RAP1B: variants seen among roughly 807,000 people sequenced by gnomAD.
RAP1B encodes RAP1B, member of RAS oncogene family.
A neutral mutation model predicts 27.5 loss-of-function variants in RAP1B; 1 was observed. The observed-to-expected ratio is 0.04, with a 90% confidence interval of 0.01 to 0.17. The LOEUF (loss-of-function observed/expected upper bound fraction) is 0.17, where lower values mean the gene tolerates loss of function less well. Among genes scored for constraint, RAP1B ranks in the 10% least tolerant of loss-of-function variants. The pLI, the probability that RAP1B is intolerant of heterozygous loss-of-function variation, is 1.00. For missense variants in RAP1B, 84 were observed against 214.8 expected (o/e 0.39, Z 3.81); for synonymous variants, 75 against 73.1 (o/e 1.03, Z -0.13).
chr12:68,669,187 T>A lies in RAP1B; in HGVS notation c.*9938T>A, dbSNP rs906466653. 1.3e-5 allele frequency: 2 copies of A among 152,142 alleles called. No individual in the cohort carries two copies. The highest frequency in any genetic ancestry group is 2.9e-5 in the Non-Finnish European group (2 of 68,018). 9.4% of individuals were successfully genotyped at this position (152,142 alleles called of 1,614,324 possible). On this transcript the variant is annotated 3_prime_UTR_variant, in exon 8 of 8. Transcript: ENST00000250559. Reference sequence around the variant, plus strand: ...AAGTTGATATAGTAAACACGACAGATAAAAACTAAATGCCTTAAGGTATAA... The same window carrying A: ...AAGTTGATATAGTAAACACGACAGAAAAAAACTAAATGCCTTAAGGTATAA...
chr12:68,656,669 G>GA (rs1330130788), intron 6 of RAP1B: 1 of 580,734 alleles, frequency 1.7e-6, no homozygotes, highest in Non-Finnish European at 3.0e-6. Flanking sequence ...CATGAAAAAG[G>GA]AAGACTGGAC....
At chr12:68,653,652 G>C (rs1311182176) in intron 4 of RAP1B, among the ~76,000 whole-genome samples, 1 of 151,906 alleles carries the variant, frequency 6.6e-6, no homozygotes, top group Admixed American at 6.6e-5. Context: ...TTTCCAGCTG[G>C]GCGTGGTAGT....
At chr12:68,621,192 T>G (rs1406158788) in intron 1 of RAP1B, among the ~76,000 whole-genome samples, 1 of 152,194 alleles carries the variant, frequency 6.6e-6, no homozygotes, top group Admixed American at 6.5e-5. Context: ...CCTGCCTGCA[T>G]GTGCTAATCC....
intron 1 of RAP1B, among the ~76,000 whole-genome samples, chr12:68,630,279 A>G (rs1304723800): frequency 6.6e-6 from 1 of 152,216 alleles, no homozygotes; most frequent in African/African-American, 2.4e-5. Flanking sequence ...CTTGTTAACC[A>G]TACAGTCTCT....
At chr12:68,642,071 A>G (rs1379431069) in intron 1 of RAP1B, among the ~76,000 whole-genome samples, 1 of 152,222 alleles carries the variant, frequency 6.6e-6, no homozygotes, top group Non-Finnish European at 1.5e-5. Context: ...CGCGTTGAGT[A>G]AAATGAAGAT....
In RAP1B at chr12:68,671,557, G is replaced by C. The variant is rs1280513936; in HGVS notation, c.*12308G>C. The C allele has an allele frequency of 6.6e-6, 1 of 152,184 alleles. No individual in the cohort carries two copies. Among genetic ancestry groups the C allele is most frequent in the Non-Finnish European group, 1.5e-5 (1 of 68,034 alleles). The allele number at this position is 152,184 out of a possible 1,614,324, so 9.4% of individuals were successfully genotyped here. On this transcript the variant is annotated 3_prime_UTR_variant, in exon 8 of 8. Transcript: ENST00000250559. ...GTGAACAAAACAGAATACCGAGAAG[G>C]ATGTATGTGAGGGATGCATGTGGGC...
intron 1 of RAP1B, chr12:68,642,466 G>A: frequency 1.2e-6 from 1 of 823,826 alleles, no homozygotes; most frequent in Non-Finnish European, 2.0e-6. Context: ...TATTTTTAAT[G>A]TCCAGAATGT....
At chr12:68,652,893 C>A (rs976423237) in intron 4 of RAP1B, among the ~76,000 whole-genome samples, 1 of 152,130 alleles carries the variant, frequency 6.6e-6, no homozygotes, top group South Asian at 2.1e-4. Flanking sequence ...GGCATACATT[C>A]ATTCATCAGC....
At chr12:68,656,242 T>C in intron 5 of RAP1B, 64 bp from the exon 6 acceptor site, 2 of 1,407,810 alleles carry the variant, frequency 1.4e-6, no homozygotes, top group Non-Finnish European at 2.0e-6. Context: ...CTTAGAATTC[T>C]TTTGATTTGA....
At chr12:68,623,018 A>G (rs1407327054) in intron 1 of RAP1B, among the ~76,000 whole-genome samples, 1 of 152,150 alleles carries the variant, frequency 6.6e-6, no homozygotes, top group Non-Finnish European at 1.5e-5. Context: ...TAATTTTTAA[A>G]GTTTTATATC....
intron 1 of RAP1B, 147 bp from the exon 2 acceptor site, chr12:68,648,552 A>T: frequency 1.6e-6 from 1 of 620,246 alleles, no homozygotes; most frequent in Non-Finnish European, 2.7e-6. Flanking sequence ...AGCATCTTTT[A>T]ATAAGTCTGC....
At chr12:68,620,737 C>G (rs983838379) in intron 1 of RAP1B, among the ~76,000 whole-genome samples, 2 of 151,892 alleles carry the variant, frequency 1.3e-5, no homozygotes, top group Non-Finnish European at 2.9e-5. Flanking sequence ...GCTGGGACTA[C>G]AGGCGCATGC....
intron 1 of RAP1B, among the ~76,000 whole-genome samples, chr12:68,613,918 C>A (rs933516102): frequency 3.3e-5 from 5 of 152,144 alleles, no homozygotes; most frequent in African/African-American, 9.7e-5. Flanking sequence ...CCAATATTTT[C>A]TCTTAGCTGT....
intron 4 of RAP1B, among the ~76,000 whole-genome samples, chr12:68,653,359 G>A (rs1248105436): frequency 6.8e-6 from 1 of 147,234 alleles, no homozygotes; most frequent in Admixed American, 6.7e-5. Flanking sequence ...ATACATGTCA[G>A]GCACTGTGTT....
At chr12:68,616,152 C>T (rs1475889196) in intron 1 of RAP1B, among the ~76,000 whole-genome samples, 1 of 151,756 alleles carries the variant, frequency 6.6e-6, no homozygotes, top group Non-Finnish European at 1.5e-5. Context: ...TTAGTAGAGA[C>T]GGGGTTTCAC....
rs1206389504 is a variant in RAP1B, at chr12:68,647,006, T to C, written c.-26-1693T>C. Reference sequence around the variant, plus strand: ...TCTCTTTACTTTAACTGTTGGGTCTTTGCCAGAATACTTTTGAAAATTTCC... The same window carrying C: ...TCTCTTTACTTTAACTGTTGGGTCTCTGCCAGAATACTTTTGAAAATTTCC... On this transcript the variant is annotated intron_variant, in intron 1 of 7. Coordinates refer to ENST00000250559, the MANE Select transcript of RAP1B (RefSeq NM_001010942.3). 3.3e-5 allele frequency among the ~76,000 whole-genome samples: 5 copies of C among 152,212 alleles called. No homozygotes were observed. The East Asian group carries it at 7.7e-4, about 23-fold the overall frequency.
At chr12:68,626,055 C>T (rs965110175) in intron 1 of RAP1B, among the ~76,000 whole-genome samples, 2 of 152,096 alleles carry the variant, frequency 1.3e-5, no homozygotes, top group Non-Finnish European at 2.9e-5. Flanking sequence ...TCATGGAAGA[C>T]ACTAATTCTG....
At chr12:68,621,196 C>T (rs1871361053) in intron 1 of RAP1B, among the ~76,000 whole-genome samples, 1 of 152,182 alleles carries the variant, frequency 6.6e-6, no homozygotes, top group Admixed American at 6.5e-5. Flanking sequence ...CCTGCATGTG[C>T]TAATCCCATA....
intron 1 of RAP1B, among the ~76,000 whole-genome samples, chr12:68,625,790 C>T (rs764153166): frequency 6.6e-6 from 1 of 151,988 alleles, no homozygotes; most frequent in Non-Finnish European, 1.5e-5. Flanking sequence ...AGCGTGGTGG[C>T]GCGCACCTGT....
Sources: allele counts gnomAD v4.1 joint callset (sites outside exome capture counted in the v4.1 genomes callset), GRCh38; gene constraint gnomAD v4.1.1; transcripts MANE v1.5; gene names NCBI Gene and HGNC (gene_info 2026-07-23, HGNC 2026-07-21).